Variants in PTPN13 observed in about 807,000 individuals in gnomAD.
PTPN13 encodes tyrosine-protein phosphatase non-receptor type 13.
A neutral mutation model predicts 284.0 loss-of-function variants in PTPN13; 191 were observed. The ratio of observed to expected loss-of-function variants is 0.67; its 90% CI spans 0.60 to 0.76. PTPN13 has a LOEUF of 0.76. Ranked by LOEUF, PTPN13 falls within the 30% of genes least tolerant of loss-of-function variation. The pLI is 0.00. For missense variants in PTPN13, 2,797 were observed against 2,939.9 expected (o/e 0.95, Z 1.12); for synonymous variants, 986 against 1,022.3 (o/e 0.96, Z 0.68).
chr4:86,661,022 T>C (rs1368667634), intron 2 of PTPN13: 1 of 415,714 alleles, frequency 2.4e-6, no homozygotes, highest in Non-Finnish European at 4.7e-6. Flanking sequence ...ATAACATATA[T>C]TGCAAACAGC....
chr4:86,740,771 A>G (rs11940878), intron 15 of PTPN13, among the ~76,000 whole-genome samples: 7,031 of 152,102 alleles, frequency 0.046, 541 homozygotes, highest in African/African-American at 0.16. Flanking sequence ...TTAAAACTGA[A>G]CGCCTTTAAC....
At position 86,642,980 on chromosome 4, in the gene PTPN13, A is replaced by AT. The variant is rs547835956; in HGVS notation, c.115+7617dup. Among the ~76,000 whole-genome samples the AT allele has an allele frequency of 3.6e-4, 54 of 152,034 alleles. 1 individual carries two copies. The highest frequency in any genetic ancestry group is 1.1e-3 in the African/African-American group (46 of 41,480). On this transcript the variant is annotated intron_variant, in intron 2 of 47. Coordinates refer to ENST00000411767, the MANE Select transcript of PTPN13 (RefSeq NM_080683.3). ...ACTGTAGTAATTGTCCAAAACAGTAATTTTTTTTGTTATGGAACTGTTGCT... is the reference window on the plus strand; with the variant it reads ...ACTGTAGTAATTGTCCAAAACAGTAATTTTTTTTTGTTATGGAACTGTTGCT...
intron 2 of PTPN13, among the ~76,000 whole-genome samples, chr4:86,635,802 A>G (rs989831297): frequency 1.1e-4 from 16 of 152,024 alleles, no homozygotes; most frequent in Non-Finnish European, 1.9e-4. Context: ...CATCTCTACT[A>G]AAAATACAAA....
chr4:86,635,470 C>T (rs1464892564), intron 2 of PTPN13, 99 bp downstream of exon 2: 41 of 1,491,108 alleles, frequency 2.7e-5, no homozygotes, highest in Non-Finnish European at 3.4e-5. Flanking sequence ...TTTCATTATT[C>T]CTGTGCCTTT....
At chr4:86,637,687 A>G (rs1348125154) in intron 2 of PTPN13, among the ~76,000 whole-genome samples, 3 of 148,988 alleles carry the variant, frequency 2.0e-5, no homozygotes, top group African/African-American at 7.4e-5. Flanking sequence ...TCTCAAAATA[A>G]TAAGAGCTAT....
At chr4:86,699,580 CAT>C (rs34253915) in intron 6 of PTPN13, among the ~76,000 whole-genome samples, 2,581 of 152,226 alleles carry the variant, frequency 0.017, 27 homozygotes, top group African/African-American at 0.03. Context: ...ACACTGTTAA[CAT>C]GTGGTGTTGC....
At chr4:86,801,242 C>G (rs1743998852) in intron 42 of PTPN13, among the ~76,000 whole-genome samples, 1 of 152,130 alleles carries the variant, frequency 6.6e-6, no homozygotes, top group Admixed American at 6.5e-5. Context: ...TATCGAACAC[C>G]AGGGATAACT....
chr4:86,626,597 C>A (rs1278797897), intron 1 of PTPN13, among the ~76,000 whole-genome samples: 2 of 152,058 alleles, frequency 1.3e-5, no homozygotes, highest in Non-Finnish European at 2.9e-5. Context: ...ATCTTCTACA[C>A]CTCTAATAGT....
intron 3 of PTPN13, among the ~76,000 whole-genome samples, chr4:86,686,439 G>A (rs1729468517): frequency 6.6e-6 from 1 of 152,112 alleles, no homozygotes; most frequent in Non-Finnish European, 1.5e-5. Context: ...ATTCGTATTT[G>A]CTTGAATTTG....
chr4:86,729,234 T>C (rs1227679706), intron 10 of PTPN13, among the ~76,000 whole-genome samples: 1 of 149,656 alleles, frequency 6.7e-6, no homozygotes, highest in Non-Finnish European at 1.5e-5. Flanking sequence ...GGCTTCCCTT[T>C]GTGGGTAACC....
intron 1 of PTPN13, among the ~76,000 whole-genome samples, chr4:86,627,159 A>C (rs1047119727): frequency 5.9e-5 from 9 of 152,266 alleles, no homozygotes; most frequent in African/African-American, 2.2e-4. Flanking sequence ...TAAAATAGTC[A>C]AAATCATAGA....
At chr4:86,684,118 G>C (rs114741624) in intron 3 of PTPN13, among the ~76,000 whole-genome samples, 1 of 148,550 alleles carries the variant, frequency 6.7e-6, no homozygotes, top group South Asian at 2.1e-4. Flanking sequence ...AAAAAAAGCT[G>C]TTTCCCTCAA....
intron 5 of PTPN13, among the ~76,000 whole-genome samples, chr4:86,693,071 TAAAAAAA>T (rs34543988): frequency 6.2e-5 from 7 of 112,304 alleles, no homozygotes; most frequent in South Asian, 3.3e-4. Flanking sequence ...CCGTTATATT[TAAAAAAA>T]AAAAAAAAAA....
rs569076922 is a variant in PTPN13, at chr4:86,734,685, C to G, written c.2013-52C>G. On this transcript the variant is annotated intron_variant, in intron 13 of 47. Coordinates refer to ENST00000411767, the MANE Select transcript of PTPN13 (RefSeq NM_080683.3). Reference sequence around the variant, plus strand: ...CTTACATGCCTATAATAAAAACCACCCCAGTATTCAAAATCAAAGGCCAAG... The same window carrying G: ...CTTACATGCCTATAATAAAAACCACGCCAGTATTCAAAATCAAAGGCCAAG... 57 of 1,565,298 alleles carry G rather than the reference C, an allele frequency of 3.6e-5. No individual in the cohort carries two copies. The South Asian group carries it at 6.4e-4, about 18-fold the overall frequency.
chr4:86,761,847 T>C (rs1738733093), intron 23 of PTPN13, among the ~76,000 whole-genome samples: 1 of 152,224 alleles, frequency 6.6e-6, no homozygotes, highest in African/African-American at 2.4e-5. Flanking sequence ...AGTTGCTCAT[T>C]ACTCTTAATT....
At chr4:86,675,587 A>C (rs1728185021) in intron 3 of PTPN13, among the ~76,000 whole-genome samples, 2 of 152,168 alleles carry the variant, frequency 1.3e-5, no homozygotes, top group South Asian at 4.1e-4. Flanking sequence ...AGGGACTTAC[A>C]CTTAAAAGTC....
intron 1 of PTPN13, among the ~76,000 whole-genome samples, chr4:86,601,319 G>A (rs1764277463): frequency 6.6e-6 from 1 of 151,992 alleles, no homozygotes; most frequent in South Asian, 2.1e-4. Context: ...AGTTCCATTG[G>A]AGCTTAAATT....
intron 1 of PTPN13, among the ~76,000 whole-genome samples, chr4:86,632,012 A>G (rs1722524731): frequency 6.6e-6 from 1 of 152,108 alleles, no homozygotes; most frequent in Non-Finnish European, 1.5e-5. Context: ...ACATATCATC[A>G]TAAGCAACCT....
chr4:86,735,387 T>C (rs1307392589), intron 14 of PTPN13, among the ~76,000 whole-genome samples: 2 of 152,212 alleles, frequency 1.3e-5, no homozygotes, highest in Non-Finnish European at 1.5e-5. Context: ...GTCACACTTC[T>C]CAAGCTTGCT....
Sources: allele counts gnomAD v4.1 joint callset (sites outside exome capture counted in the v4.1 genomes callset), GRCh38; gene constraint gnomAD v4.1.1; transcripts MANE v1.5; gene names NCBI Gene and HGNC (gene_info 2026-07-23, HGNC 2026-07-21).